CSNK1G3: variants seen among roughly 807,000 people sequenced by gnomAD.
The protein encoded by CSNK1G3 is casein kinase 1 gamma 3.
Under a neutral mutation model 64.3 loss-of-function variants are expected in CSNK1G3, and 23 were observed. That is an observed-to-expected ratio of 0.36 (90% CI 0.26 to 0.51). The LOEUF (loss-of-function observed/expected upper bound fraction) is 0.51, where lower values mean the gene tolerates loss of function less well. CSNK1G3 is among the 20% of genes least tolerant of loss of function. The pLI is 0.96. For missense variants in CSNK1G3, 357 were observed against 510.5 expected (o/e 0.70, Z 2.90); for synonymous variants, 158 against 162.2 (o/e 0.97, Z 0.20).
intron 4 of CSNK1G3, among the ~76,000 whole-genome samples, chr5:123,571,682 AAAT>A (rs889006362): frequency 3.3e-5 from 5 of 152,200 alleles, no homozygotes; most frequent in South Asian, 2.1e-4. Context: ...ATAATAGGGT[AAAT>A]AATAATAATG....
intron 10 of CSNK1G3, among the ~76,000 whole-genome samples, chr5:123,593,210 C>T (rs1226826319): frequency 6.6e-6 from 1 of 151,146 alleles, no homozygotes; most frequent in Non-Finnish European, 1.5e-5. Context: ...TATACACACA[C>T]ACACACACAC....
intron 1 of CSNK1G3, among the ~76,000 whole-genome samples, chr5:123,529,772 T>G (rs1779634547): frequency 6.6e-6 from 1 of 152,138 alleles, no homozygotes; most frequent in Non-Finnish European, 1.5e-5. Flanking sequence ...TTCCTGTCAT[T>G]CTTAAAGATG....
intron 5 of CSNK1G3, among the ~76,000 whole-genome samples, chr5:123,574,584 T>G (rs10056177): frequency 0.61 from 91,806 of 151,716 alleles, 29,053 homozygotes; most frequent in African/African-American, 0.79. Flanking sequence ...CTTTGGGGAG[T>G]CTGAGGCTAG....
chr5:123,512,595 TCCGCTGCCAGCCCCGGCCCGG>T (rs1452390816), intron 1 of CSNK1G3, 25 bp downstream of exon 1: 6 of 148,780 alleles, frequency 4.0e-5, no homozygotes, highest in Non-Finnish European at 7.5e-5. Flanking sequence ...GCGTAGGTGC[TCCGCTGCCAGCCCCGGCCCGG>T]CGGCTGCCTC....
chr5:123,543,436 T>A (rs1392923054), intron 1 of CSNK1G3, among the ~76,000 whole-genome samples: 1 of 152,118 alleles, frequency 6.6e-6, no homozygotes, highest in Non-Finnish European at 1.5e-5. Context: ...AGTAACTATT[T>A]TCTGTTCGGT....
intron 10 of CSNK1G3, among the ~76,000 whole-genome samples, chr5:123,599,923 T>C (rs554131248): frequency 3.3e-5 from 5 of 152,252 alleles, no homozygotes; most frequent in Middle Eastern, 3.4e-3. Flanking sequence ...GGAAAATAAT[T>C]ATCCTAAGTG....
chr5:123,570,480 A>C (rs564509740), intron 4 of CSNK1G3, among the ~76,000 whole-genome samples: 27 of 151,784 alleles, frequency 1.8e-4, no homozygotes, highest in Middle Eastern at 3.4e-3. Context: ...CAGCCTCCCA[A>C]GTAGCTGGCA....
chr5:123,552,911 G>C (rs907947093), intron 2 of CSNK1G3, 196 bp from the exon 3 acceptor site: 3 of 349,916 alleles, frequency 8.6e-6, no homozygotes, highest in Non-Finnish European at 1.6e-5. Flanking sequence ...TTTCTACTCT[G>C]AATCTAGGTG....
intron 10 of CSNK1G3, among the ~76,000 whole-genome samples, chr5:123,601,987 A>G (rs748159701): frequency 1.3e-5 from 2 of 152,214 alleles, no homozygotes; most frequent in Non-Finnish European, 2.9e-5. Flanking sequence ...ATTAAGAATA[A>G]AGAACAAAAT....
intron 12 of CSNK1G3, among the ~76,000 whole-genome samples, 188 bp downstream of exon 13, chr5:123,605,550 T>C (rs1795217595): frequency 6.6e-6 from 1 of 152,146 alleles, no homozygotes; most frequent in Non-Finnish European, 1.5e-5. Context: ...GAGGAGCTCT[T>C]TTGCCTGCTG....
intron 12 of CSNK1G3, among the ~76,000 whole-genome samples, chr5:123,613,569 G>A (rs566999591): frequency 6.6e-6 from 1 of 151,932 alleles, no homozygotes; most frequent in East Asian, 1.9e-4. Flanking sequence ...TTGCTGTATT[G>A]TCCAGGCTGG....
chr5:123,588,327 T>C (rs1791699377), intron 7 of CSNK1G3, 100 bp from the exon 8 acceptor site: 1 of 1,131,898 alleles, frequency 8.8e-7, no homozygotes, highest in Non-Finnish European at 1.3e-6. Flanking sequence ...TCCTTCTGCC[T>C]TGGCCTTCCA....
At chr5:123,519,920 G>C (rs539005435) in intron 1 of CSNK1G3, among the ~76,000 whole-genome samples, 3 of 152,354 alleles carry the variant, frequency 2.0e-5, no homozygotes, top group South Asian at 2.1e-4. Flanking sequence ...GCTCAGGACT[G>C]TGGGCTACCA....
chr5:123,596,082 ATTC>A (rs1404248900), intron 10 of CSNK1G3, among the ~76,000 whole-genome samples: 1 of 151,602 alleles, frequency 6.6e-6, no homozygotes, highest in Non-Finnish European at 1.5e-5. Flanking sequence ...TCTGGGTGCT[ATTC>A]TTTCTTGATT....
exon 13 of CSNK1G3, chr5:123,614,919 G>C (rs1334351447): frequency 6.6e-6 from 1 of 152,626 alleles, no homozygotes; most frequent in Non-Finnish European, 1.5e-5. Context: ...TATTACTGAT[G>C]GTACTGTTAT....
exon 13 of CSNK1G3, chr5:123,616,234 A>G (rs1749426886): frequency 6.5e-6 from 1 of 152,728 alleles, no homozygotes; most frequent in South Asian, 2.1e-4. Flanking sequence ...TGAGCAAGGT[A>G]GATAAACATT....
intron 2 of CSNK1G3, among the ~76,000 whole-genome samples, chr5:123,552,786 T>C (rs1283086763): frequency 1.3e-5 from 2 of 152,202 alleles, no homozygotes; most frequent in African/African-American, 2.4e-5. Context: ...TTTTGAAATT[T>C]TTTGACCATG....
At chr5:123,568,274 A>G (rs77888311) in intron 4 of CSNK1G3, among the ~76,000 whole-genome samples, 2,969 of 152,244 alleles carry the variant, frequency 0.02, 53 homozygotes, top group Non-Finnish European at 0.029. Flanking sequence ...TCAGACCAGC[A>G]GCCGAACACC....
chr5:123,581,360 G>GT (rs10612602), intron 6 of CSNK1G3, among the ~76,000 whole-genome samples: 9,388 of 81,536 alleles, frequency 0.12, 632 homozygotes, highest in South Asian at 0.17. Flanking sequence ...TTTTGGGTTT[G>GT]TTTTTTTTTT....
Sources: gnomAD v4.1 joint callset for allele counts (sites outside exome capture counted in the v4.1 genomes callset) on GRCh38, gnomAD v4.1.1 for gene constraint, MANE v1.5 for transcripts, NCBI Gene and HGNC (gene_info 2026-07-23, HGNC 2026-07-21) for gene names.